EIF2AK3: variants seen among roughly 807,000 people sequenced by gnomAD.
EIF2AK3 encodes eukaryotic translation initiation factor 2-alpha kinase 3.
EIF2AK3 carries 50 observed loss-of-function variants against 113.5 expected under a neutral mutation model. The ratio of observed to expected loss-of-function variants is 0.44; its 90% CI spans 0.35 to 0.56. EIF2AK3 has a LOEUF of 0.56. Among genes scored for constraint, EIF2AK3 ranks in the 20% least tolerant of loss-of-function variants. The pLI, the probability that EIF2AK3 is intolerant of heterozygous loss-of-function variation, is 0.00. For missense variants in EIF2AK3, 1,185 were observed against 1,378.0 expected (o/e 0.86, Z 2.22); for synonymous variants, 448 against 495.4 (o/e 0.90, Z 1.27).
chr2:88,582,463 T>G (rs952151610), intron 10 of EIF2AK3, among the ~76,000 whole-genome samples: 6 of 152,124 alleles, frequency 3.9e-5, no homozygotes, highest in East Asian at 1.9e-4. Context: ...GGCTGAGGTG[T>G]TGTTCTCCAA....
chr2:88,566,768 T>A (rs1309857642), intron 14 of EIF2AK3, among the ~76,000 whole-genome samples: 1 of 152,104 alleles, frequency 6.6e-6, no homozygotes, highest in Non-Finnish European at 1.5e-5. Flanking sequence ...GGCAACATAG[T>A]GACACCTCAT....
chr2:88,612,704 T>C (rs1455638447), intron 2 of EIF2AK3, among the ~76,000 whole-genome samples: 1 of 152,230 alleles, frequency 6.6e-6, no homozygotes, highest in Non-Finnish European at 1.5e-5. Context: ...GATGCGTCAC[T>C]GGTAGCAGTT....
intron 10 of EIF2AK3, among the ~76,000 whole-genome samples, chr2:88,581,509 C>G (rs1674600131): frequency 6.6e-6 from 1 of 152,142 alleles, no homozygotes; most frequent in Admixed American, 6.5e-5. Context: ...GCTTGTTTTA[C>G]CCAGTAGTAT....
At chr2:88,605,912 A>G (rs1290386631) in intron 2 of EIF2AK3, among the ~76,000 whole-genome samples, 1 of 152,202 alleles carries the variant, frequency 6.6e-6, no homozygotes, top group Non-Finnish European at 1.5e-5. Flanking sequence ...GGGAAGGGGC[A>G]TCACCATTAG....
chr2:88,599,774 T>A (rs1209420463), intron 2 of EIF2AK3, among the ~76,000 whole-genome samples: 1 of 152,148 alleles, frequency 6.6e-6, no homozygotes, highest in Non-Finnish European at 1.5e-5. Flanking sequence ...TCTAAAGCAG[T>A]AGCGGGTCCT....
At chr2:88,617,945 G>A (rs1035608583) in intron 1 of EIF2AK3, among the ~76,000 whole-genome samples, 1 of 152,190 alleles carries the variant, frequency 6.6e-6, no homozygotes, top group African/African-American at 2.4e-5. Context: ...CAGGGAGACT[G>A]ACGCAGGAGA....
chr2:88,603,734 T>C (rs1675204886), intron 2 of EIF2AK3, among the ~76,000 whole-genome samples: 1 of 152,200 alleles, frequency 6.6e-6, no homozygotes, highest in African/African-American at 2.4e-5. Context: ...CTTCTCACCC[T>C]ACTTTCTTTC....
At chr2:88,622,807 AT>A (rs1343088340) in intron 1 of EIF2AK3, among the ~76,000 whole-genome samples, 1 of 152,218 alleles carries the variant, frequency 6.6e-6, no homozygotes, top group Non-Finnish European at 1.5e-5. Context: ...AAACAAAAAA[AT>A]GATTATAAAT....
chr2:88,626,200 T>C (rs934047871), intron 1 of EIF2AK3, among the ~76,000 whole-genome samples: 4 of 152,226 alleles, frequency 2.6e-5, no homozygotes, highest in Admixed American at 2.0e-4. Context: ...GTAACATTTT[T>C]TGAATGCTGA....
rs530708954 is a variant in EIF2AK3 at position 88,557,808 on chromosome 2, G to T, written c.3279C>A (p.Arg1093=). Reference sequence around the variant, plus strand: ...GTTTTGTTCCCGATGAACTCAAGGAGCGAGACCTCTGTCTGAGCACTGTTT... The same window carrying T: ...GTTTTGTTCCCGATGAACTCAAGGATCGAGACCTCTGTCTGAGCACTGTTT... The part of the protein sequence containing the change: ...PGKTVLRQRS[R]SLSSSGTKHS... The change falls in exon 17 of 17, where the codon CGC becomes CGA. Residue 1093 remains arginine, a synonymous_variant. Coordinates refer to ENST00000303236, the MANE Select transcript of EIF2AK3 (RefSeq NM_004836.7). The T allele has an allele frequency of 3.1e-6, 5 of 1,614,148 alleles. No homozygotes were observed. Among genetic ancestry groups the T allele is most frequent in the Non-Finnish European group, 1.7e-6 (2 of 1,180,014 alleles).
Position 88,557,779 on chromosome 2 carries a change from G to C in EIF2AK3, c.3308C>G (p.Ser1103Ter). ...RSLSSSGTKHSRQSNNSHSPL... is the reference protein window; with the variant it reads ...RSLSSSGTKH Reference sequence around the variant, plus strand: ...GCTATGGGAGTTGTTGGACTGTCTTGAATGTTTTGTTCCCGATGAACTCAA... The same window carrying C: ...GCTATGGGAGTTGTTGGACTGTCTTCAATGTTTTGTTCCCGATGAACTCAA... Residue 1103 changes from serine (S) to a stop codon, truncating the protein, a stop_gained, in exon 17 of 17, where the codon TCA becomes TGA. Coordinates refer to ENST00000303236, the MANE Select transcript of EIF2AK3 (RefSeq NM_004836.7). LOFTEE classifies it high-confidence loss of function. 1 of 1,614,142 alleles carries C rather than the reference G, an allele frequency of 6.2e-7. No individual in the cohort carries two copies. The highest frequency in any genetic ancestry group is 8.5e-7 in the Non-Finnish European group (1 of 1,180,000).
At chr2:88,580,471 T>C (rs1674571215) in intron 10 of EIF2AK3, among the ~76,000 whole-genome samples, 1 of 152,178 alleles carries the variant, frequency 6.6e-6, no homozygotes, top group Admixed American at 6.5e-5. Flanking sequence ...ACATAATACT[T>C]TGAAGTATTT....
At chr2:88,621,984 C>T (rs576185589) in intron 1 of EIF2AK3, among the ~76,000 whole-genome samples, 3 of 149,454 alleles carry the variant, frequency 2.0e-5, no homozygotes, top group African/African-American at 2.5e-5. Flanking sequence ...GCAAACTCTG[C>T]ATCCCGGGTT....
chr2:88,614,621 T>TC (rs1675529132), intron 1 of EIF2AK3, among the ~76,000 whole-genome samples: 1 of 152,068 alleles, frequency 6.6e-6, no homozygotes, highest in Non-Finnish European at 1.5e-5. Context: ...TCAGCTCACT[T>TC]CCTCTACTTC....
At chr2:88,594,665 T>C (rs1011984313) in intron 3 of EIF2AK3, among the ~76,000 whole-genome samples, 2 of 152,092 alleles carry the variant, frequency 1.3e-5, no homozygotes, top group Non-Finnish European at 2.9e-5. Flanking sequence ...ACCCTGGAAG[T>C]TTCTGAACCT....
At chr2:88,580,835 C>T (rs565618155) in intron 10 of EIF2AK3, among the ~76,000 whole-genome samples, 8 of 152,086 alleles carry the variant, frequency 5.3e-5, no homozygotes, top group Non-Finnish European at 1.2e-4. Context: ...GTTCCATGGG[C>T]CAATTCCTTT....
At position 88,560,495 on chromosome 2, in the gene EIF2AK3, C is replaced by T. The variant is rs1480163398; in HGVS notation, c.3088-1516G>A. Among the ~76,000 whole-genome samples the T allele has an allele frequency of 3.3e-5, 5 of 152,098 alleles. 1 individual carries two copies. The highest frequency in any genetic ancestry group is 6.6e-5 in the Admixed American group (1 of 15,262). ...AGGCATAATCATAGCTTACTGTAGC[C>T]GTGAACTCCTGGTCTCAAGGAATTC... On this transcript the variant is annotated intron_variant, in intron 15 of 16. Transcript: ENST00000303236.
intron 4 of EIF2AK3, 104 bp from the exon 5 acceptor site, chr2:88,591,156 T>C (rs980089049): frequency 2.9e-6 from 3 of 1,035,370 alleles, no homozygotes; most frequent in Non-Finnish European, 2.9e-6. Context: ...AATTATGTGA[T>C]GAGAAAACTA....
intron 11 of EIF2AK3, among the ~76,000 whole-genome samples, chr2:88,576,987 C>CTTT (rs765445450): frequency 6.9e-6 from 1 of 144,016 alleles, no homozygotes; most frequent in African/African-American, 2.5e-5. Flanking sequence ...CTAGGTTATA[C>CTTT]TTTTTTTTTT....
Sources: gnomAD v4.1 joint callset for allele counts (sites outside exome capture counted in the v4.1 genomes callset) on GRCh38, gnomAD v4.1.1 for gene constraint, MANE v1.5 for transcripts, NCBI Gene and HGNC (gene_info 2026-07-23, HGNC 2026-07-21) for gene names.